The following CTNNA3 variants were observed in gnomAD, a reference collection of about 807,000 sequenced individuals.
CTNNA3 encodes the protein catenin alpha 3.
In CTNNA3, 76 loss-of-function variants were observed where a neutral mutation model predicts 95.7. The observed-to-expected ratio is 0.79, with a 90% CI of 0.66 to 0.96. The LOEUF is 0.96. Among genes scored for constraint, CTNNA3 ranks in the 40% least tolerant of loss-of-function variants. CTNNA3 has a pLI of 0.00. For missense variants in CTNNA3, 1,191 were observed against 1,089.8 expected, an observed-to-expected ratio of 1.09 and a Z score of -1.31; for synonymous variants, 431 against 374.4, an observed-to-expected ratio of 1.15 and a Z score of -1.74.
chr10:67,075,766 T>G (rs1856716981), intron 7 of CTNNA3, among the ~76,000 whole-genome samples: 1 of 152,192 alleles, frequency 6.6e-6, no homozygotes, highest in Non-Finnish European at 1.5e-5. Flanking sequence ...CCTTGGCAAA[T>G]GAGGCTAAAA....
chr10:65,982,104 CA>C (rs2078331465), intron 16 of CTNNA3, among the ~76,000 whole-genome samples: 1 of 150,952 alleles, frequency 6.6e-6, no homozygotes, highest in African/African-American at 2.4e-5. Flanking sequence ...ACACATCTGA[CA>C]AAAGACTCAT....
chr10:67,621,273 G>A (rs1337485899), intron 2 of CTNNA3, among the ~76,000 whole-genome samples: 4 of 152,090 alleles, frequency 2.6e-5, no homozygotes, highest in Non-Finnish European at 5.9e-5. Flanking sequence ...AACAATAACA[G>A]GGATTTTCTG....
At chr10:66,790,022 G>T (rs1039868930) in intron 7 of CTNNA3, among the ~76,000 whole-genome samples, 1 of 152,176 alleles carries the variant, frequency 6.6e-6, no homozygotes. Context: ...GGACATGCAA[G>T]GCATAACGGG....
intron 7 of CTNNA3, among the ~76,000 whole-genome samples, chr10:66,990,132 T>A (rs16923897): frequency 0.11 from 16,561 of 152,222 alleles, 1,263 homozygotes; most frequent in African/African-American, 0.21. Context: ...TCAGTAGACA[T>A]CATTAAGCTG....
chr10:66,861,211 A>C (rs555551236), intron 7 of CTNNA3, among the ~76,000 whole-genome samples: 29 of 152,332 alleles, frequency 1.9e-4, no homozygotes, highest in Middle Eastern at 3.4e-3. Context: ...ATAAACAAAT[A>C]GGAATTACAG....
intron 17 of CTNNA3, among the ~76,000 whole-genome samples, chr10:65,938,619 C>A (rs2077379380): frequency 6.6e-6 from 1 of 152,164 alleles, no homozygotes; most frequent in Non-Finnish European, 1.5e-5. Flanking sequence ...ATTTAGTTAA[C>A]CTTTGTGGCT....
At chr10:67,739,268 C>A (rs564022692) in intron 1 of CTNNA3, among the ~76,000 whole-genome samples, 22 of 152,122 alleles carry the variant, frequency 1.4e-4, no homozygotes, top group African/African-American at 4.8e-4. Flanking sequence ...AGAGTGGGGG[C>A]CAATATTCAA....
intron 13 of CTNNA3, among the ~76,000 whole-genome samples, chr10:66,183,387 G>A (rs971441560): frequency 6.6e-6 from 1 of 152,190 alleles, no homozygotes; most frequent in Non-Finnish European, 1.5e-5. Flanking sequence ...AACCTATCGT[G>A]AAGGTATAAC....
intron 7 of CTNNA3, among the ~76,000 whole-genome samples, chr10:66,981,329 T>C (rs1442723270): frequency 6.6e-6 from 1 of 152,242 alleles, no homozygotes; most frequent in African/African-American, 2.4e-5. Flanking sequence ...TAAATATTGT[T>C]CTGATTAGAC....
chr10:66,031,510 G>A (rs2133457982), intron 15 of CTNNA3, among the ~76,000 whole-genome samples: 1 of 152,186 alleles, frequency 6.6e-6, no homozygotes, highest in African/African-American at 2.4e-5. Flanking sequence ...GCACACTGGG[G>A]ACACATGGAC....
intron 15 of CTNNA3, among the ~76,000 whole-genome samples, chr10:66,033,232 G>A (rs986274496): frequency 3.4e-5 from 5 of 148,846 alleles, no homozygotes; most frequent in Admixed American, 6.8e-5. Context: ...CTGGGTTCAC[G>A]CCATTCTCCT....
intron 11 of CTNNA3, among the ~76,000 whole-genome samples, chr10:66,482,838 A>G (rs890077517): frequency 6.6e-6 from 1 of 152,198 alleles, no homozygotes; most frequent in Admixed American, 6.5e-5. Context: ...GATGATATTT[A>G]AACACAGACA....
intron 10 of CTNNA3, among the ~76,000 whole-genome samples, chr10:66,599,607 G>C (rs1480216718): frequency 1.3e-5 from 2 of 151,794 alleles, no homozygotes; most frequent in Non-Finnish European, 2.9e-5. Context: ...ACTCATTACA[G>C]GTGTTTTTCT....
intron 13 of CTNNA3, among the ~76,000 whole-genome samples, chr10:66,273,586 G>T (rs1242722505): frequency 6.6e-6 from 1 of 152,060 alleles, no homozygotes; most frequent in Non-Finnish European, 1.5e-5. Flanking sequence ...TAAAAATTGA[G>T]TTTCAAAACA....
At position 66,222,553 on chromosome 10, in the gene CTNNA3, A is replaced by G. The variant is rs540518945; in HGVS notation, c.1884+57917T>C. 2.0e-5 allele frequency among the ~76,000 whole-genome samples: 3 copies of G among 151,764 alleles called. No homozygotes were observed. The East Asian group carries it at 5.8e-4, about 29-fold the overall frequency. ...AGAAGGGAGAGAAAGAAGAAAATAA[A>G]GAAAGAGAGAAAGAAGGAAAGAAAG... On this transcript the variant is annotated intron_variant, in intron 13 of 17. Coordinates refer to ENST00000433211, the MANE Select transcript of CTNNA3 (RefSeq NM_013266.4).
chr10:66,116,555 TA>T (rs1360654330), intron 13 of CTNNA3, among the ~76,000 whole-genome samples: 1 of 152,194 alleles, frequency 6.6e-6, no homozygotes, highest in Admixed American at 6.5e-5. Context: ...TAAAAAGGAA[TA>T]AATTTGATTA....
intron 3 of CTNNA3, among the ~76,000 whole-genome samples, chr10:67,600,661 A>G (rs1843057224): frequency 6.6e-6 from 1 of 152,218 alleles, no homozygotes; most frequent in South Asian, 2.1e-4. Flanking sequence ...TATCTACTAA[A>G]GCTGGGCATA....
intron 11 of CTNNA3, among the ~76,000 whole-genome samples, chr10:66,444,350 G>A (rs1466283771): frequency 6.6e-6 from 1 of 151,990 alleles, no homozygotes; most frequent in Admixed American, 6.6e-5. Context: ...CTCGAGAAGA[G>A]CAACTCCAAG....
intron 11 of CTNNA3, among the ~76,000 whole-genome samples, chr10:66,490,005 G>T (rs1485914641): frequency 6.6e-6 from 1 of 152,186 alleles, no homozygotes; most frequent in African/African-American, 2.4e-5. Context: ...TGTCAGCATA[G>T]AGTAAAGCCA....
Sources: gnomAD v4.1 joint callset for allele counts (sites outside exome capture counted in the v4.1 genomes callset) on GRCh38, gnomAD v4.1.1 for gene constraint, MANE v1.5 for transcripts, NCBI Gene and HGNC (gene_info 2026-07-23, HGNC 2026-07-21) for gene names.